RNF150: variants seen among roughly 807,000 people sequenced by gnomAD.
RNF150 encodes ring finger protein 150.
A neutral mutation model predicts 39.3 loss-of-function variants in RNF150; 24 were observed. The observed-to-expected ratio is 0.61, with a 90% confidence interval of 0.44 to 0.86. RNF150 has a LOEUF of 0.86. Ranked by LOEUF, RNF150 falls within the 40% of genes least tolerant of loss-of-function variation. RNF150 has a pLI of 0.00. For synonymous variants in RNF150, 255 were observed against 227.3 expected, an observed-to-expected ratio of 1.12 and a Z score of -1.10; for missense variants, 502 against 587.8, an observed-to-expected ratio of 0.85 and a Z score of 1.51.
chr4:140,920,227 A>T lies in RNF150; in HGVS notation c.987+5750T>A, dbSNP rs1731052544. On this transcript the variant is annotated intron_variant, in intron 5 of 6. Transcript: ENST00000515673. ...TAAAGAGCTTCTGCACAGTGAAAGA[A>T]ACTACCATCAGAGTGAACAGGCAAC... Among the ~76,000 whole-genome samples the T allele has an allele frequency of 2.7e-5, 4 of 148,462 alleles. No individual in the cohort carries two copies. In the Admixed American group the frequency reaches 2.7e-4, roughly 10 times the overall value.
At chr4:141,028,161 G>A (rs1482385813) in intron 1 of RNF150, among the ~76,000 whole-genome samples, 1 of 151,976 alleles carries the variant, frequency 6.6e-6, no homozygotes, top group Non-Finnish European at 1.5e-5. Context: ...ATATTACTGC[G>A]TAGAGCATTA....
chr4:140,954,174 G>GGATTATT (rs1732655901), intron 2 of RNF150, among the ~76,000 whole-genome samples: 4 of 152,016 alleles, frequency 2.6e-5, no homozygotes. Context: ...GTGCTCCTAT[G>GGATTATT]GATTATTTCT....
At chr4:140,870,042 T>C (rs1000607710) in intron 6 of RNF150, among the ~76,000 whole-genome samples, 3 of 152,238 alleles carry the variant, frequency 2.0e-5, no homozygotes, top group Non-Finnish European at 4.4e-5. Flanking sequence ...TTTCATGATG[T>C]GGCACAGTTA....
intron 1 of RNF150, among the ~76,000 whole-genome samples, chr4:141,178,236 G>A (rs563056951): frequency 1.3e-5 from 2 of 151,636 alleles, no homozygotes; most frequent in South Asian, 4.2e-4. Flanking sequence ...CAGAGTATGT[G>A]TGTGTGTATG....
At chr4:141,138,265 G>A (rs184052465), upstream of RNF150, among the ~76,000 whole-genome samples, 157 of 152,218 alleles carry the variant, frequency 1.0e-3, no homozygotes, top group Admixed American at 2.2e-3. Flanking sequence ...GGTTTGATCT[G>A]TATTATATTT....
intron 6 of RNF150, chr4:140,910,940 A>ACTGTG: frequency 1.7e-6 from 1 of 601,032 alleles, no homozygotes; most frequent in Admixed American, 3.0e-5. Flanking sequence ...AGGCAGGAGC[A>ACTGTG]TGGGCACACA....
chr4:141,010,539 A>G (rs114491405), intron 1 of RNF150, among the ~76,000 whole-genome samples: 1 of 152,220 alleles, frequency 6.6e-6, no homozygotes, highest in African/African-American at 2.4e-5. Flanking sequence ...TTAAGGTAAC[A>G]AACTGCTAAA....
intron 1 of RNF150, among the ~76,000 whole-genome samples, chr4:141,073,581 C>T (rs1737784671): frequency 6.6e-6 from 1 of 151,842 alleles, no homozygotes; most frequent in South Asian, 2.1e-4. Flanking sequence ...ACTCACAATA[C>T]TTATTATTAC....
At chr4:140,899,944 T>TCTCTCTCTCTCTC (rs1730114654) in intron 6 of RNF150, among the ~76,000 whole-genome samples, 5 of 110,118 alleles carry the variant, frequency 4.5e-5, no homozygotes, top group Admixed American at 2.2e-4. Flanking sequence ...CTCTCTCACT[T>TCTCTCTCTCTCTC]TCTCTCTCTC....
At chr4:141,129,053 A>G (rs537938007) in intron 1 of RNF150, among the ~76,000 whole-genome samples, 67 of 152,250 alleles carry the variant, frequency 4.4e-4, no homozygotes, top group Non-Finnish European at 8.5e-4. Context: ...TTTGGAAAAC[A>G]GTCTAGAAGG....
intron 1 of RNF150, among the ~76,000 whole-genome samples, chr4:141,064,968 C>T (rs950862005): frequency 2.0e-5 from 3 of 152,168 alleles, no homozygotes; most frequent in Non-Finnish European, 4.4e-5. Context: ...TAGGTTCAAG[C>T]GATTCTCCTG....
chr4:141,045,071 G>C (rs974341530), intron 1 of RNF150, among the ~76,000 whole-genome samples: 1 of 152,142 alleles, frequency 6.6e-6, no homozygotes, highest in Non-Finnish European at 1.5e-5. Flanking sequence ...TAAAAAAACT[G>C]GCAGCCTTGT....
chr4:141,190,058 A>G (rs576412691), intron 1 of RNF150, among the ~76,000 whole-genome samples: 1 of 151,946 alleles, frequency 6.6e-6, no homozygotes, highest in East Asian at 1.9e-4. Flanking sequence ...ACAGTCCCTT[A>G]TGGCTTCCCT....
At chr4:140,914,921 G>A (rs1027748916) in intron 5 of RNF150, among the ~76,000 whole-genome samples, 1 of 151,690 alleles carries the variant, frequency 6.6e-6, no homozygotes, top group Non-Finnish European at 1.5e-5. Flanking sequence ...TTATACCATG[G>A]GTAGATACAA....
At chr4:141,019,963 T>C (rs2110781267) in intron 1 of RNF150, among the ~76,000 whole-genome samples, 1 of 152,282 alleles carries the variant, frequency 6.6e-6, no homozygotes, top group South Asian at 2.1e-4. Context: ...GTGTCTACTG[T>C]ACCACTCGCT....
intron 1 of RNF150, among the ~76,000 whole-genome samples, chr4:140,989,450 T>C (rs979517876): frequency 3.9e-5 from 6 of 151,984 alleles, no homozygotes; most frequent in African/African-American, 1.5e-4. Flanking sequence ...TCAACCTCCA[T>C]AGCGGCAAAA....
At chr4:141,019,039 T>C (rs1735384632) in intron 1 of RNF150, among the ~76,000 whole-genome samples, 1 of 4,288 alleles carries the variant, frequency 2.3e-4, no homozygotes, top group South Asian at 0.014. Flanking sequence ...AAGAAATATA[T>C]ATATATATAT....
intron 1 of RNF150, among the ~76,000 whole-genome samples, chr4:141,171,557 T>A (rs1727725049): frequency 6.6e-6 from 1 of 152,088 alleles, no homozygotes; most frequent in Admixed American, 6.6e-5. Context: ...ATCCATTACC[T>A]CAGTTAGTCT....
intron 1 of RNF150, among the ~76,000 whole-genome samples, chr4:141,192,171 A>T (rs1271529648): frequency 6.6e-6 from 1 of 152,206 alleles, no homozygotes; most frequent in Non-Finnish European, 1.5e-5. Context: ...GCCTTACTGC[A>T]AAAAGCCCTC....
Sources: gnomAD v4.1 joint callset for allele counts (sites outside exome capture counted in the v4.1 genomes callset) on GRCh38, gnomAD v4.1.1 for gene constraint, MANE v1.5 for transcripts, NCBI Gene and HGNC (gene_info 2026-07-23, HGNC 2026-07-21) for gene names.